Variants in SBF2 observed in about 807,000 individuals in gnomAD.
SBF2 encodes the protein SET binding factor 2, also known as myotubularin-related protein 13.
A neutral mutation model predicts 225.2 loss-of-function variants in SBF2; 112 were observed. The observed-to-expected ratio is 0.50, with a 90% CI of 0.43 to 0.58. SBF2 has a LOEUF of 0.58. Among genes scored for constraint, SBF2 ranks in the 20% least tolerant of loss-of-function variants. The pLI is 0.00. For missense variants in SBF2, 1,996 were observed against 2,206.2 expected (o/e 0.90, Z 1.91); for synonymous variants, 763 against 773.3 (o/e 0.99, Z 0.22).
chr11:9,850,970 T>C (rs1856885724), intron 21 of SBF2, among the ~76,000 whole-genome samples: 1 of 151,862 alleles, frequency 6.6e-6, no homozygotes, highest in Non-Finnish European at 1.5e-5. Context: ...ACCCTGCCTC[T>C]ACTAAAAACA....
intron 17 of SBF2, among the ~76,000 whole-genome samples, chr11:9,895,460 T>G (rs1407825294): frequency 6.6e-6 from 1 of 150,866 alleles, no homozygotes; most frequent in Non-Finnish European, 1.5e-5. Context: ...GTGACAGAAT[T>G]TTAAAAAATC....
chr11:10,028,469 A>G lies in SBF2; in HGVS notation c.602T>C (p.Leu201Pro). ...AGACATACCCAATTGCTGGAACAGG[A>G]GAGCCACACTAGTGCCCGTGATAGG... Reference protein sequence around the residue: ...SLPITGTSVALLFQQLGIQNV... With the variant: ...SLPITGTSVAPLFQQLGIQNV... Residue 201 changes from leucine (L) to proline (P), a missense_variant, in exon 6 of 40, where the codon CTC (leucine) becomes CCC (proline). Transcript: ENST00000256190. 1 of 1,610,528 alleles carries G rather than the reference A, an allele frequency of 6.2e-7. No individual in the cohort carries two copies. The highest frequency in any genetic ancestry group is 8.5e-7 in the Non-Finnish European group (1 of 1,176,696).
chr11:10,098,957 C>T (rs1952166891), intron 2 of SBF2, among the ~76,000 whole-genome samples: 1 of 151,716 alleles, frequency 6.6e-6, no homozygotes, highest in Non-Finnish European at 1.5e-5. Context: ...AAAAAGAAGA[C>T]AAAAAGGATT....
intron 33 of SBF2, among the ~76,000 whole-genome samples, chr11:9,794,849 C>A (rs1055960571): frequency 6.6e-6 from 1 of 151,988 alleles, no homozygotes; most frequent in Non-Finnish European, 1.5e-5. Flanking sequence ...GAAGTATAAA[C>A]AGGGTGGAAA....
At chr11:10,004,741 T>C (rs1379447075) in intron 6 of SBF2, among the ~76,000 whole-genome samples, 1 of 152,190 alleles carries the variant, frequency 6.6e-6, no homozygotes, top group Non-Finnish European at 1.5e-5. Flanking sequence ...ATTGTTTCAC[T>C]AAGCCAGACT....
chr11:9,848,488 A>G (rs992810915), intron 22 of SBF2, among the ~76,000 whole-genome samples: 1 of 152,238 alleles, frequency 6.6e-6, no homozygotes, highest in African/African-American at 2.4e-5. Context: ...ACTTTAAAAT[A>G]AATAAATTAC....
At chr11:9,842,304 GA>G (rs1856214702) in intron 25 of SBF2, among the ~76,000 whole-genome samples, 1 of 152,142 alleles carries the variant, frequency 6.6e-6, no homozygotes, top group Non-Finnish European at 1.5e-5. Flanking sequence ...ATTCTAGAAG[GA>G]TAAGATACAG....
intron 2 of SBF2, among the ~76,000 whole-genome samples, chr11:10,191,216 A>G (rs1957155135): frequency 6.6e-6 from 1 of 152,160 alleles, no homozygotes; most frequent in Admixed American, 6.5e-5. Context: ...CAAACCACTT[A>G]AGGATTAAGC....
At chr11:9,794,676 C>CAAAAAATAAAAAAA (rs1852988192) in intron 33 of SBF2, among the ~76,000 whole-genome samples, 1 of 35,348 alleles carries the variant, frequency 2.8e-5, no homozygotes, top group Non-Finnish European at 4.8e-5. Context: ...GACTCCGTCT[C>CAAAAAATAAAAAAA]AAAAAAAAAA....
chr11:10,082,061 A>C (rs139028530), intron 2 of SBF2, among the ~76,000 whole-genome samples: 9 of 152,302 alleles, frequency 5.9e-5, no homozygotes, highest in African/African-American at 1.4e-4. Context: ...TGCAACTGAT[A>C]CCACAGAAAT....
At chr11:10,181,592 T>C (rs1956739154) in intron 2 of SBF2, among the ~76,000 whole-genome samples, 1 of 152,118 alleles carries the variant, frequency 6.6e-6, no homozygotes, top group African/African-American at 2.4e-5. Flanking sequence ...ATCTATGAAA[T>C]TGTGACTCCC....
chr11:9,973,509 T>C (rs975514685), intron 13 of SBF2, among the ~76,000 whole-genome samples: 1 of 152,254 alleles, frequency 6.6e-6, no homozygotes, highest in South Asian at 2.1e-4. Context: ...CAGAATGCAC[T>C]GTCTTTTACA....
intron 2 of SBF2, among the ~76,000 whole-genome samples, chr11:10,128,352 C>T (rs1387646409): frequency 1.3e-5 from 2 of 152,180 alleles, no homozygotes; most frequent in African/African-American, 4.8e-5. Flanking sequence ...CAAATAACTA[C>T]TGAATAAATT....
At chr11:10,156,545 C>G (rs1170867696) in intron 2 of SBF2, among the ~76,000 whole-genome samples, 1 of 152,208 alleles carries the variant, frequency 6.6e-6, no homozygotes, top group East Asian at 1.9e-4. Flanking sequence ...GTCTGGGGCT[C>G]AGAGTGAGAA....
chr11:9,878,730 A>T (rs2134075070), intron 17 of SBF2, among the ~76,000 whole-genome samples: 1 of 152,316 alleles, frequency 6.6e-6, no homozygotes, highest in East Asian at 1.9e-4. Context: ...CTAAGATTAT[A>T]ATTTTAATTC....
intron 12 of SBF2, among the ~76,000 whole-genome samples, chr11:9,990,198 T>C (rs977773743): frequency 1.4e-4 from 21 of 151,930 alleles, no homozygotes; most frequent in Non-Finnish European, 2.2e-4. Context: ...GGGGGGTAAA[T>C]AGATGGATGA....
At position 9,832,300 on chromosome 11, in the gene SBF2, A is replaced by C. The variant is rs779580044; in HGVS notation, c.3576T>G (p.Thr1192=). Residue 1192 remains threonine (T), a synonymous_variant, in exon 27 of 40, where the codon ACT becomes ACG. Coordinates refer to ENST00000256190, the MANE Select transcript of SBF2 (RefSeq NM_030962.4). Reference sequence around the variant, plus strand: ...GGAATCCTCCAGATCGGAGGAGCAGAGTACCACTTCTTGAGTTCTTCCAAC... The same window carrying C: ...GGAATCCTCCAGATCGGAGGAGCAGCGTACCACTTCTTGAGTTCTTCCAAC... ...VVCWKNSRSG[T]LLLRSGGFHG... is the part of the protein sequence containing the mutation. The C allele has an allele frequency of 5.6e-6, 9 of 1,614,078 alleles. No homozygotes were observed. Among genetic ancestry groups the C allele is most frequent in the Admixed American group, 1.7e-5 (1 of 60,006 alleles).
rs766193938 is a variant in SBF2 at position 9,993,981 on chromosome 11, C to T, written c.993G>A (p.Leu331=). 36 of 1,210,648 alleles carry T rather than the reference C, an allele frequency of 3.0e-5. No homozygotes were observed. In the Admixed American group the frequency reaches 4.2e-4, roughly 14 times the overall value. The allele number at this position is 1,210,648 out of a possible 1,614,324, so 75.0% of individuals were successfully genotyped here. A position where few individuals can be genotyped will look rare whatever the true frequency, so the allele number is the denominator to read the frequency against. ...GAGGAAAAGCATGATCTGCTACTTC[C>T]AAATCTGGGTGTAAAATCTAAAGCA... The part of the protein sequence containing the change: ...SALSLILHPD[L]EVADHAFPPP... Residue 331 remains leucine (L), a synonymous_variant, in exon 10 of 40, where the codon TTG becomes TTA. Transcript: ENST00000256190.
intron 16 of SBF2, among the ~76,000 whole-genome samples, chr11:9,952,538 C>T (rs931553339): frequency 6.6e-6 from 1 of 152,158 alleles, no homozygotes; most frequent in Non-Finnish European, 1.5e-5. Flanking sequence ...CTCGGGTCTG[C>T]TAAGTAAAGA....
Sources: gnomAD v4.1 joint callset for allele counts (sites outside exome capture counted in the v4.1 genomes callset) on GRCh38, gnomAD v4.1.1 for gene constraint, MANE v1.5 for transcripts, NCBI Gene and HGNC (gene_info 2026-07-23, HGNC 2026-07-21) for gene names.